Variants in MCTP1 observed in about 807,000 individuals in gnomAD.
MCTP1 encodes multiple C2 and transmembrane domain containing 1, also known as multiple C2 and transmembrane domain-containing protein 1.
MCTP1 carries 69 observed loss-of-function variants against 120.6 expected under a neutral mutation model. That is an observed-to-expected ratio of 0.57 (90% confidence interval 0.47 to 0.70). MCTP1 has a LOEUF of 0.70. MCTP1 is among the 30% of genes least tolerant of loss of function. The pLI is 0.00. For synonymous variants in MCTP1, 529 were observed against 493.1 expected, an observed-to-expected ratio of 1.07 and a Z score of -0.96; for missense variants, 1,203 against 1,248.8, an observed-to-expected ratio of 0.96 and a Z score of 0.55.
chr5:94,902,252 C>T (rs988527483), intron 10 of MCTP1, among the ~76,000 whole-genome samples: 1 of 152,190 alleles, frequency 6.6e-6, no homozygotes, highest in Non-Finnish European at 1.5e-5. Flanking sequence ...CGAGCCGACA[C>T]TTCTACCCTA....
intron 2 of MCTP1, among the ~76,000 whole-genome samples, chr5:94,955,323 G>T (rs558077011): frequency 6.6e-6 from 1 of 152,308 alleles, no homozygotes; most frequent in South Asian, 2.1e-4. Flanking sequence ...CTGGTTTCAA[G>T]CACAAAACTG....
intron 5 of MCTP1, among the ~76,000 whole-genome samples, chr5:94,937,811 T>C (rs142572661): frequency 4.6e-5 from 7 of 152,174 alleles, no homozygotes; most frequent in African/African-American, 1.7e-4. Context: ...TTCAGCTGAC[T>C]ATACATTATC....
chr5:95,165,357 T>G (rs1210993042), intron 1 of MCTP1, among the ~76,000 whole-genome samples: 1 of 152,214 alleles, frequency 6.6e-6, no homozygotes, highest in African/African-American at 2.4e-5. Flanking sequence ...TCCCCTCATT[T>G]TATTAGCAGT....
Position 94,888,952 on chromosome 5 carries a change from G to T in MCTP1, c.1860C>A (p.His620Gln), listed in dbSNP as rs1346692237. ...GGAGAAATCCCACATCTTTCAGGTTGTGAAATATCCTCAATGGGCTCTGAA... is the reference window on the plus strand; with the variant it reads ...GGAGAAATCCCACATCTTTCAGGTTTTGAAATATCCTCAATGGGCTCTGAA... ...LKRYSPLRIF[H>Q]NLKDVGFLQV... is the part of the protein sequence containing the mutation. Residue 620 changes from histidine to glutamine, a missense_variant, in exon 12 of 23, where the codon CAC becomes CAA. His to Gln is a conservative substitution (Grantham distance 24, BLOSUM62 0). Around this residue, in one of 2 missense-constraint regions of MCTP1, gnomAD observed 740 missense variants for 871.1 expected, o/e 0.85. Transcript: ENST00000515393. The T allele has an allele frequency of 1.2e-6, 2 of 1,613,520 alleles. No homozygotes were observed. Among genetic ancestry groups the T allele is most frequent in the South Asian group, 2.2e-5 (2 of 91,072 alleles).
intron 19 of MCTP1, among the ~76,000 whole-genome samples, chr5:94,761,292 G>T (rs550104794): frequency 1.3e-5 from 2 of 152,300 alleles, no homozygotes; most frequent in South Asian, 4.1e-4. Flanking sequence ...TTTCCTACAG[G>T]ATTCTTTGCA....
At chr5:94,756,557 C>T (rs1769939437) in intron 19 of MCTP1, among the ~76,000 whole-genome samples, 1 of 152,162 alleles carries the variant, frequency 6.6e-6, no homozygotes, top group Non-Finnish European at 1.5e-5. Context: ...GAATTATACA[C>T]ATAGAAAGCC....
At chr5:94,980,386 T>C (rs959443807) in intron 2 of MCTP1, among the ~76,000 whole-genome samples, 1 of 152,152 alleles carries the variant, frequency 6.6e-6, no homozygotes, top group Admixed American at 6.5e-5. Context: ...AAATTCTAGT[T>C]ACAAACCCAG....
chr5:94,962,388 C>A (rs1428525807), intron 2 of MCTP1, among the ~76,000 whole-genome samples: 1 of 151,182 alleles, frequency 6.6e-6, no homozygotes, highest in Non-Finnish European at 1.5e-5. Flanking sequence ...AAATGTGGAA[C>A]CAATCCAAAT....
chr5:94,897,120 G>A (rs1027293111), intron 10 of MCTP1, among the ~76,000 whole-genome samples: 4 of 151,970 alleles, frequency 2.6e-5, no homozygotes, highest in African/African-American at 4.8e-5. Flanking sequence ...GCAGTGGTGC[G>A]ATCATGATCA....
At chr5:95,268,565 T>G (rs111347126) in intron 1 of MCTP1, among the ~76,000 whole-genome samples, 22,691 of 152,176 alleles carry the variant, frequency 0.15, 1,720 homozygotes, top group East Asian at 0.26. Context: ...AAGATTTGGC[T>G]GAAGGCAGCT....
chr5:94,745,746 G>C lies in MCTP1; in HGVS notation c.2611-30860C>G, dbSNP rs143395103. The stretch of plus-strand genomic sequence containing the variant: ...TGAAGAAAAACATATTTACAGAAGA[G>C]AAGCAGCACAAAGTGCTCGGCTGCA... On this transcript the variant is annotated intron_variant, in intron 19 of 22. Coordinates refer to ENST00000515393, the MANE Select transcript of MCTP1 (RefSeq NM_024717.7). Among the ~76,000 whole-genome samples, 37 of 152,286 alleles carry C rather than the reference G, an allele frequency of 2.4e-4. No homozygotes were observed. In the East Asian group the frequency reaches 6.9e-3, roughly 29 times the overall value.
At chr5:94,869,703 C>T (rs1797478940) in intron 16 of MCTP1, among the ~76,000 whole-genome samples, 1 of 151,964 alleles carries the variant, frequency 6.6e-6, no homozygotes, top group Non-Finnish European at 1.5e-5. Flanking sequence ...GTAACAAATA[C>T]ATTTTAGTTT....
intron 1 of MCTP1, among the ~76,000 whole-genome samples, chr5:95,232,281 C>T (rs908102824): frequency 1.3e-4 from 20 of 149,876 alleles, no homozygotes; most frequent in African/African-American, 4.9e-4. Context: ...GAAGAAGACA[C>T]AGGACTAACA....
intron 18 of MCTP1, chr5:94,793,364 G>A (rs1239902872): frequency 6.6e-6 from 1 of 151,960 alleles, no homozygotes; most frequent in Non-Finnish European, 1.5e-5. Flanking sequence ...AAAACTAAAG[G>A]TCTGGTTCTT....
chr5:95,071,444 A>G lies in MCTP1; in HGVS notation c.721-53960T>C, dbSNP rs149841395. 4.2e-3 allele frequency among the ~76,000 whole-genome samples: 639 copies of G among 152,344 alleles called. 8 individuals are homozygous for G. The highest frequency in any genetic ancestry group is 0.015 in the African/African-American group (609 of 41,568). On this transcript the variant is annotated intron_variant, in intron 1 of 22. Coordinates refer to ENST00000515393, the MANE Select transcript of MCTP1 (RefSeq NM_024717.7). The stretch of plus-strand genomic sequence containing the variant: ...TACATATCCTTGGTCTCAGCTTAAA[A>G]GTCACTTTCTCACAGAGGACTTCTC...
chr5:95,139,988 G>T (rs1262684430), intron 1 of MCTP1, among the ~76,000 whole-genome samples: 1 of 152,148 alleles, frequency 6.6e-6, no homozygotes, highest in Non-Finnish European at 1.5e-5. Context: ...GAACTTGATG[G>T]TCTCCCTGAG....
In MCTP1 at chr5:95,048,161, T is replaced by A. The variant is rs543594264; in HGVS notation, c.721-30677A>T. On this transcript the variant is annotated intron_variant, in intron 1 of 22. Transcript: ENST00000515393. ...AATTTGTTGCTTTTTAAAAATTAGA[T>A]TATTTAGGAGTCAGAATGTAATTTA... is the stretch of plus-strand genomic sequence containing the variant. Among the ~76,000 whole-genome samples, 10 of 152,334 alleles carry A rather than the reference T, an allele frequency of 6.6e-5. No individual in the cohort carries two copies. In the South Asian group the frequency reaches 2.1e-3, roughly 32 times the overall value.
chr5:94,794,862 G>T lies in MCTP1; in HGVS notation c.2556+4151C>A, dbSNP rs541120811. 5.9e-5 allele frequency among the ~76,000 whole-genome samples: 9 copies of T among 152,254 alleles called. No homozygotes were observed. In the South Asian group the frequency reaches 1.9e-3, roughly 32 times the overall value. On this transcript the variant is annotated intron_variant, in intron 18 of 22. Coordinates refer to ENST00000515393, the MANE Select transcript of MCTP1 (RefSeq NM_024717.7). ...TTTCTATTAATGTGTCAGCTTGAAGGTAGAGTTAGTGCTACTGGCTTTTCT... is the reference window on the plus strand; with the variant it reads ...TTTCTATTAATGTGTCAGCTTGAAGTTAGAGTTAGTGCTACTGGCTTTTCT...
At chr5:95,039,957 G>A (rs959283196) in intron 1 of MCTP1, among the ~76,000 whole-genome samples, 3 of 150,882 alleles carry the variant, frequency 2.0e-5, no homozygotes, top group East Asian at 1.9e-4. Context: ...ATAACACTAG[G>A]TGTCACTGCT....
Sources: gnomAD v4.1 joint callset for allele counts (sites outside exome capture counted in the v4.1 genomes callset) on GRCh38, gnomAD v4.1.1 for gene constraint, gnomAD v4.1.1 regional missense constraint, MANE v1.5 for transcripts, NCBI Gene and HGNC (gene_info 2026-07-23, HGNC 2026-07-21) for gene names.